The following NXN variants were observed in gnomAD, a reference collection of about 807,000 sequenced individuals.
NXN encodes nucleoredoxin 1.
A neutral mutation model predicts 48.6 loss-of-function variants in NXN; 16 were observed. The observed-to-expected ratio is 0.33, with a 90% CI of 0.22 to 0.50. The LOEUF (loss-of-function observed/expected upper bound fraction) is 0.50. Ranked by LOEUF, NXN falls within the 20% of genes least tolerant of loss-of-function variation. The probability of loss-of-function intolerance (pLI) is 0.98; values close to 1 mark genes in which losing one functional copy is unlikely to be tolerated. For synonymous variants in NXN, 281 were observed against 269.6 expected (o/e 1.04, Z -0.41); for missense variants, 492 against 605.5 (o/e 0.81, Z 1.97).
chr17:939,016 C>T (rs2068939669), intron 1 of NXN, among the ~76,000 whole-genome samples: 1 of 151,802 alleles, frequency 6.6e-6, no homozygotes, highest in South Asian at 2.1e-4. Context: ...CTCACCGCTG[C>T]ACTCCAGCCT....
intron 1 of NXN, among the ~76,000 whole-genome samples, chr17:937,553 G>A (rs1204737787): frequency 1.3e-5 from 2 of 152,156 alleles, no homozygotes; most frequent in Non-Finnish European, 2.9e-5. Flanking sequence ...ACACTTCTCC[G>A]AGGCTATTGC....
chr17:831,953 G>A (rs1913497222), intron 1 of NXN, among the ~76,000 whole-genome samples: 1 of 102,522 alleles, frequency 9.8e-6, no homozygotes, highest in African/African-American at 4.2e-5. Flanking sequence ...TATTATTAAG[G>A]GATCACTAGG....
chr17:912,959 A>G (rs1292951079), intron 1 of NXN, among the ~76,000 whole-genome samples: 1 of 152,166 alleles, frequency 6.6e-6, no homozygotes, highest in Non-Finnish European at 1.5e-5. Context: ...GAAAGGAGAA[A>G]AGAGAAAGGA....
chr17:913,248 G>A (rs1038403319), intron 1 of NXN, among the ~76,000 whole-genome samples: 11 of 152,182 alleles, frequency 7.2e-5, no homozygotes, highest in Middle Eastern at 3.4e-3. Flanking sequence ...TGTAAAATCT[G>A]GAAAAGCCAA....
intron 1 of NXN, among the ~76,000 whole-genome samples, chr17:893,178 C>T (rs1400290766): frequency 6.6e-6 from 1 of 152,268 alleles, no homozygotes; most frequent in Non-Finnish European, 1.5e-5. Flanking sequence ...GGGCAATGCT[C>T]TCGTTACTTC....
At chr17:935,002 T>A (rs892888539) in intron 1 of NXN, among the ~76,000 whole-genome samples, 1 of 151,850 alleles carries the variant, frequency 6.6e-6, no homozygotes, top group Non-Finnish European at 1.5e-5. Context: ...TTATTTATTG[T>A]TTTTTGAGAT....
At chr17:856,195 A>G (rs1168640616) in intron 1 of NXN, among the ~76,000 whole-genome samples, 1 of 152,124 alleles carries the variant, frequency 6.6e-6, no homozygotes, top group Non-Finnish European at 1.5e-5. Context: ...CCGTCTCAAA[A>G]AAAAAAAAGA....
chr17:946,222 G>A (rs1441126319), intron 1 of NXN, among the ~76,000 whole-genome samples: 2 of 40,726 alleles, frequency 4.9e-5, no homozygotes, highest in African/African-American at 4.1e-5. Flanking sequence ...TGCAAGCTCC[G>A]CCTCCCGGGG....
intron 1 of NXN, among the ~76,000 whole-genome samples, chr17:972,592 G>GCCCTGGAA (rs1162626020): frequency 9.2e-5 from 14 of 152,338 alleles, no homozygotes; most frequent in African/African-American, 3.4e-4. Context: ...ACGAGCTGGA[G>GCCCTGGAA]CCCTGGAACC....
intron 1 of NXN, among the ~76,000 whole-genome samples, chr17:915,156 G>A (rs182567941): frequency 0.015 from 2,246 of 152,188 alleles, 28 homozygotes; most frequent in Middle Eastern, 0.024. Flanking sequence ...GGCTGGCCTC[G>A]AACTTCTGAC....
intron 1 of NXN, among the ~76,000 whole-genome samples, chr17:829,995 G>T (rs987707982): frequency 2.0e-5 from 3 of 152,180 alleles, no homozygotes; most frequent in African/African-American, 7.2e-5. Flanking sequence ...CCAGTAATGG[G>T]ATTGCTGGGT....
At position 825,928 on chromosome 17, in the gene NXN, T is replaced by C; in HGVS notation, c.478+33A>G. 7.2e-7 allele frequency: 1 copy of C among 1,391,028 alleles called. No homozygotes were observed. Among genetic ancestry groups the C allele is most frequent in the Non-Finnish European group, 1.0e-6 (1 of 989,188 alleles). The allele number at this position is 1,391,028 out of a possible 1,614,324, so 86.2% of individuals were successfully genotyped here. ...GCATGGAGGAGGGAGGGCTGGGTAATAAGAGGACCATATGCACGGGCTGAG... is the reference window on the plus strand; with the variant it reads ...GCATGGAGGAGGGAGGGCTGGGTAACAAGAGGACCATATGCACGGGCTGAG... On this transcript the variant is annotated intron_variant, in intron 2 of 7. Transcript: ENST00000336868. This position sits in a 1 kb window ranked among gnomAD's most constrained non-coding sequence, Gnocchi z 4.1.
intron 1 of NXN, among the ~76,000 whole-genome samples, chr17:883,392 C>A (rs926956949): frequency 7.9e-5 from 12 of 152,026 alleles, no homozygotes; most frequent in African/African-American, 2.9e-4. Context: ...TGCTCACTGG[C>A]TGTTGTCAAA....
chr17:881,028 G>C lies in NXN; in HGVS notation c.361-54950C>G, dbSNP rs57095048. 9.4e-3 allele frequency among the ~76,000 whole-genome samples: 1,427 copies of C among 152,148 alleles called. 16 individuals carry two copies. The highest frequency in any genetic ancestry group is 0.033 in the African/African-American group (1,353 of 41,472). ...CTGAGCCGTGGCCCAGGCTCTGGGAGTGCACACTCTCAACAAGCAGATATG... is the reference window on the plus strand; with the variant it reads ...CTGAGCCGTGGCCCAGGCTCTGGGACTGCACACTCTCAACAAGCAGATATG... On this transcript the variant is annotated intron_variant, in intron 1 of 7. Coordinates refer to ENST00000336868, the MANE Select transcript of NXN (RefSeq NM_022463.5).
chr17:918,535 C>T (rs930403617), intron 1 of NXN, among the ~76,000 whole-genome samples: 3 of 152,112 alleles, frequency 2.0e-5, no homozygotes, highest in Non-Finnish European at 4.4e-5. Flanking sequence ...GTGGCTCATG[C>T]CTGTAATCCC....
chr17:836,815 G>A (rs1190767961), intron 1 of NXN, among the ~76,000 whole-genome samples: 1 of 152,124 alleles, frequency 6.6e-6, no homozygotes, highest in East Asian at 1.9e-4. Flanking sequence ...AAGCTAAGGC[G>A]CTGACACAGA....
At chr17:953,975 T>G (rs1208522128) in intron 1 of NXN, among the ~76,000 whole-genome samples, 2 of 152,156 alleles carry the variant, frequency 1.3e-5, no homozygotes, top group African/African-American at 4.8e-5. Context: ...CTGCGGCTCC[T>G]CTCTGTCTAG....
chr17:901,862 G>A (rs1428144945), intron 1 of NXN, among the ~76,000 whole-genome samples: 1 of 152,130 alleles, frequency 6.6e-6, no homozygotes, highest in Non-Finnish European at 1.5e-5. Context: ...ATCATGCCCA[G>A]CTAATTTTTG....
chr17:812,841 T>G (rs1912204343), intron 5 of NXN, among the ~76,000 whole-genome samples: 1 of 148,586 alleles, frequency 6.7e-6, no homozygotes, highest in South Asian at 2.2e-4. Context: ...TGTGTGAGTG[T>G]AGGTGTGTGC....
Sources: gnomAD v4.1 joint callset for allele counts (sites outside exome capture counted in the v4.1 genomes callset) on GRCh38, gnomAD v4.1.1 for gene constraint, Gnocchi (gnomAD v3.1) non-coding constraint, MANE v1.5 for transcripts, NCBI Gene and HGNC (gene_info 2026-07-23, HGNC 2026-07-21) for gene names.